WNK1: variants seen among roughly 807,000 people sequenced by gnomAD.
WNK1 encodes the protein serine/threonine-protein kinase WNK1.
Under a neutral mutation model 222.8 loss-of-function variants are expected in WNK1, and 38 were observed. The ratio of observed to expected loss-of-function variants is 0.17; its 90% CI spans 0.13 to 0.22. The LOEUF is 0.22. WNK1 is among the 10% of genes least tolerant of loss of function. The probability of loss-of-function intolerance (pLI) is 1.00; values close to 1 mark genes in which losing one functional copy is unlikely to be tolerated. For missense variants in WNK1, 2,348 were observed against 2,918.4 expected (o/e 0.80, Z 4.50); for synonymous variants, 1,090 against 1,092.9 (o/e 1.00, Z 0.05).
intron 4 of WNK1, among the ~76,000 whole-genome samples, chr12:839,040 G>A (rs1303624612): frequency 6.6e-6 from 1 of 152,102 alleles, no homozygotes; most frequent in African/African-American, 2.4e-5. Context: ...AACAAATAAA[G>A]CAAACAGTTA....
intron 8 of WNK1, chr12:865,323 A>C: frequency 6.5e-7 from 1 of 1,536,150 alleles, no homozygotes; most frequent in Non-Finnish European, 8.7e-7. Context: ...CTCTCAGCGC[A>C]AGCACCGACG....
intron 4 of WNK1, among the ~76,000 whole-genome samples, chr12:836,337 C>T (rs1949178594): frequency 6.6e-6 from 1 of 152,108 alleles, no homozygotes; most frequent in African/African-American, 2.4e-5. Context: ...GCCAGGCCTA[C>T]TAAGGTTGCG....
At chr12:809,376 C>T (rs1382283039) in intron 1 of WNK1, among the ~76,000 whole-genome samples, 3 of 151,632 alleles carry the variant, frequency 2.0e-5, no homozygotes, top group African/African-American at 7.3e-5. Context: ...TCTTTTCACC[C>T]ATTGAGGAAA....
chr12:834,193 C>T (rs1030916234), intron 4 of WNK1, among the ~76,000 whole-genome samples: 2 of 152,098 alleles, frequency 1.3e-5, no homozygotes, highest in Non-Finnish European at 2.9e-5. Flanking sequence ...GCAAATTGAT[C>T]AAATAGAGTG....
Position 861,246 on chromosome 12 carries a change from C to T in WNK1, c.1854C>T (p.Thr618=), listed in dbSNP as rs755359805. The change falls in exon 7 of 28, where the codon ACC becomes ACT. Residue 618 remains threonine (T), a synonymous_variant. Coordinates refer to ENST00000315939, the MANE Select transcript of WNK1 (RefSeq NM_018979.4). ...SASTGIPTAS[T]TSASVSTQVE... is the part of the protein sequence containing the mutation. ...GCACCGGCATACCTACTGCTTCTAC[C>T]ACTTCAGCTTCAGTTTCTACACAAG... The T allele has an allele frequency of 1.5e-5, 25 of 1,614,002 alleles. No homozygotes were observed. Among genetic ancestry groups the T allele is most frequent in the Non-Finnish European group, 2.0e-5 (24 of 1,180,024 alleles).
intron 1 of WNK1, 143 bp downstream of exon 1, chr12:754,467 A>T (rs1201961693): frequency 1.0e-6 from 1 of 987,680 alleles, no homozygotes; most frequent in East Asian, 2.4e-5. Context: ...AAAGGGGCTG[A>T]AATTAGGAGA....
Position 868,466 on chromosome 12 carries a change from C to G in WNK1, c.2140-2799C>G, listed in dbSNP as rs72649856. The G allele has an allele frequency of 6.7e-5, 108 of 1,613,968 alleles. No individual in the cohort carries two copies. The African/African-American group carries it at 1.4e-3, about 21-fold the overall frequency. The stretch of plus-strand genomic sequence containing the variant: ...TTTCCTGGTAGGACACCTTCAGAAT[C>G]TAAGATTAGATTCTGGATTGGGTCC... On this transcript the variant is annotated intron_variant, in intron 8 of 27. Transcript: ENST00000315939.
intron 17 of WNK1, 60 bp downstream of exon 17, chr12:883,891 G>T: frequency 6.3e-7 from 1 of 1,592,020 alleles, no homozygotes; most frequent in Non-Finnish European, 8.6e-7. Context: ...AGCCGAGGGT[G>T]GTGGCAGGCT....
rs1940018896 is a variant in WNK1, at chr12:756,287, T to G, written c.759+1963T>G. 2.0e-5 allele frequency among the ~76,000 whole-genome samples: 3 copies of G among 152,222 alleles called. No homozygotes were observed. The South Asian group carries it at 6.2e-4, about 31-fold the overall frequency. On this transcript the variant is annotated intron_variant, in intron 1 of 27. Transcript: ENST00000315939. The stretch of plus-strand genomic sequence containing the variant: ...TAGCATGTGATGTGTGTTTTCCTTT[T>G]ATCACCTGGAATTTTCTGATACTTT...
chr12:908,852 T>TGGGGGGGGGG lies in WNK1; in HGVS notation c.*65_*66insGGGGGGGGGG. 6.3e-5 allele frequency: 15 copies of TGGGGGGGGGG among 237,432 alleles called. No individual in the cohort carries two copies. The highest frequency in any genetic ancestry group is 5.4e-4 in the East Asian group (5 of 9,270). 14.7% of individuals were successfully genotyped at this position (237,432 alleles called of 1,614,324 possible). A position where few individuals can be genotyped will look rare whatever the true frequency, so the allele number is the denominator to read the frequency against. On this transcript the variant is annotated 3_prime_UTR_variant, in exon 28 of 28. Coordinates refer to ENST00000315939, the MANE Select transcript of WNK1 (RefSeq NM_018979.4). ...GGAGATGGAATGCTGAGGGGGTGGGTGGGGGTGGGAAGTAGCCTATATACT... is the reference window on the plus strand; with the variant it reads ...GGAGATGGAATGCTGAGGGGGTGGGTGGGGGGGGGGGGGGGTGGGAAGTAGCCTATATACT...
chr12:778,833 C>T (rs1471677257), intron 1 of WNK1, among the ~76,000 whole-genome samples: 1 of 152,094 alleles, frequency 6.6e-6, no homozygotes, highest in Non-Finnish European at 1.5e-5. Flanking sequence ...TGACTTCTCT[C>T]TCGTGCTGTT....
At chr12:881,023 A>C (rs374446980) in intron 12 of WNK1, 24 bp downstream of exon 12, 27 of 1,613,794 alleles carry the variant, frequency 1.7e-5, no homozygotes, top group Non-Finnish European at 2.3e-5. Flanking sequence ...CTGCATGTTT[A>C]TATGTAAAAC....
rs1953590477 is a variant in WNK1, at chr12:885,754, T to C, written c.4950T>C (p.Asp1650=). ...SDTQPKAPGI[D]DIKTLEEKLR... is the part of the protein sequence containing the mutation. ...CACAACCCAAAGCTCCTGGAATTGA[T>C]GACATAAAGACTCTAGAAGAAAAGC... The change falls in exon 19 of 28, where the codon GAT becomes GAC. Residue 1650 remains aspartate (D), a synonymous_variant. Coordinates refer to ENST00000315939, the MANE Select transcript of WNK1 (RefSeq NM_018979.4). 6.2e-7 allele frequency: 1 copy of C among 1,614,202 alleles called. No individual in the cohort carries two copies. Among genetic ancestry groups the C allele is most frequent in the African/African-American group, 1.3e-5 (1 of 75,048 alleles).
chr12:851,425 T>C, intron 4 of WNK1: 1 of 1,126,244 alleles, frequency 8.9e-7, no homozygotes, highest in Non-Finnish European at 1.1e-6. Context: ...CTAGGATCTA[T>C]TACTGTTGGC....
intron 8 of WNK1, among the ~76,000 whole-genome samples, chr12:867,502 T>TC (rs1475164401): frequency 6.6e-6 from 1 of 152,246 alleles, no homozygotes; most frequent in Non-Finnish European, 1.5e-5. Flanking sequence ...TTCTTACTCT[T>TC]CCTTTAACTC....
At chr12:817,961 A>G (rs986774358) in intron 2 of WNK1, among the ~76,000 whole-genome samples, 7 of 152,222 alleles carry the variant, frequency 4.6e-5, no homozygotes, top group African/African-American at 1.4e-4. Context: ...CAAAAAAAGA[A>G]AAAGAAAAAA....
At chr12:789,890 A>G (rs908807040) in intron 1 of WNK1, among the ~76,000 whole-genome samples, 3 of 152,204 alleles carry the variant, frequency 2.0e-5, no homozygotes, top group Admixed American at 6.5e-5. Flanking sequence ...CAGCAGCAGA[A>G]GCAGCAATTT....
intron 1 of WNK1, among the ~76,000 whole-genome samples, chr12:804,095 A>G (rs1946126798): frequency 6.6e-6 from 1 of 152,328 alleles, no homozygotes; most frequent in Middle Eastern, 3.4e-3. Context: ...CATGTACCTC[A>G]AGTCCTTACC....
At chr12:795,996 TC>T (rs1945281131) in intron 1 of WNK1, among the ~76,000 whole-genome samples, 1 of 152,056 alleles carries the variant, frequency 6.6e-6, no homozygotes, top group African/African-American at 2.4e-5. Flanking sequence ...CAAGTGACCT[TC>T]CCACCGCAGC....
Sources: gnomAD v4.1 joint callset for allele counts (sites outside exome capture counted in the v4.1 genomes callset) on GRCh38, gnomAD v4.1.1 for gene constraint, MANE v1.5 for transcripts, NCBI Gene and HGNC (gene_info 2026-07-23, HGNC 2026-07-21) for gene names.